MAST4: variants seen among roughly 807,000 people sequenced by gnomAD.
MAST4 encodes the protein microtubule-associated serine/threonine-protein kinase 4.
In MAST4, 89 loss-of-function variants were observed where a neutral mutation model predicts 162.7. The ratio of observed to expected loss-of-function variants is 0.55; its 90% CI spans 0.46 to 0.65. The LOEUF (loss-of-function observed/expected upper bound fraction) is 0.65, where lower values mean the gene tolerates loss of function less well. Among genes scored for constraint, MAST4 ranks in the 30% least tolerant of loss-of-function variants. The pLI is 0.00. For synonymous variants in MAST4, 1,479 were observed against 1,361.1 expected (o/e 1.09, Z -1.91); for missense variants, 3,153 against 3,374.0 (o/e 0.93, Z 1.62).
intron 4 of MAST4, among the ~76,000 whole-genome samples, chr5:66,927,622 CAG>C (rs1225625011): frequency 3.3e-5 from 5 of 152,120 alleles, no homozygotes; most frequent in Non-Finnish European, 7.3e-5. Flanking sequence ...TTGGTGGAGA[CAG>C]AGAGTAGGCA....
intron 1 of MAST4, among the ~76,000 whole-genome samples, chr5:66,684,128 G>T (rs150642714): frequency 1.3e-5 from 2 of 152,312 alleles, no homozygotes; most frequent in Non-Finnish European, 2.9e-5. Context: ...AAGGTTAGTG[G>T]GTTGTGTTCC....
intron 4 of MAST4, among the ~76,000 whole-genome samples, chr5:67,031,868 G>A (rs958248314): frequency 3.9e-5 from 6 of 151,990 alleles, no homozygotes; most frequent in Admixed American, 6.6e-5. Flanking sequence ...ACCTTCTTTC[G>A]TGAGAGAACT....
intron 1 of MAST4, among the ~76,000 whole-genome samples, chr5:66,698,287 C>A (rs1749541124): frequency 6.6e-6 from 1 of 151,922 alleles, no homozygotes; most frequent in South Asian, 2.1e-4. Context: ...CTCAGCTCTG[C>A]TGTCCCATCT....
chr5:66,701,797 A>G (rs1749793230), intron 1 of MAST4, among the ~76,000 whole-genome samples: 1 of 151,440 alleles, frequency 6.6e-6, no homozygotes, highest in Non-Finnish European at 1.5e-5. Flanking sequence ...TGATGATCAT[A>G]TCAACCTTAT....
intron 1 of MAST4, among the ~76,000 whole-genome samples, chr5:66,646,259 T>G (rs916845604): frequency 3.9e-5 from 6 of 152,200 alleles, no homozygotes; most frequent in African/African-American, 1.2e-4. Flanking sequence ...AAAAAATGTT[T>G]TATGGTAAAT....
At chr5:66,855,367 C>A (rs1009981117) in intron 3 of MAST4, among the ~76,000 whole-genome samples, 2 of 152,186 alleles carry the variant, frequency 1.3e-5, no homozygotes, top group Non-Finnish European at 2.9e-5. Context: ...ATGCCAGCAC[C>A]AACCTCTTTT....
intron 1 of MAST4, among the ~76,000 whole-genome samples, chr5:66,600,877 T>C (rs1742508164): frequency 6.6e-6 from 1 of 152,226 alleles, no homozygotes; most frequent in Non-Finnish European, 1.5e-5. Context: ...AGAAAAGGGC[T>C]TAGTAAGTAA....
At chr5:66,899,218 T>G (rs781448995) in intron 3 of MAST4, among the ~76,000 whole-genome samples, 1 of 152,196 alleles carries the variant, frequency 6.6e-6, no homozygotes, top group Non-Finnish European at 1.5e-5. Flanking sequence ...GTTTATTTCT[T>G]TGGTTGGCTT....
At chr5:66,618,037 G>GC (rs1355403553) in intron 1 of MAST4, among the ~76,000 whole-genome samples, 11 of 151,980 alleles carry the variant, frequency 7.2e-5, no homozygotes, top group Admixed American at 1.3e-4. Context: ...GAGGAATGGG[G>GC]GGGGGGCCCT....
chr5:66,697,934 C>A (rs1300551865), intron 1 of MAST4, among the ~76,000 whole-genome samples: 1 of 152,106 alleles, frequency 6.6e-6, no homozygotes, highest in African/African-American at 2.4e-5. Context: ...TAAGCTAAGT[C>A]AACACCCATA....
At chr5:66,648,079 TGTGTGA>T (rs1401462861) in intron 1 of MAST4, among the ~76,000 whole-genome samples, 34 of 103,714 alleles carry the variant, frequency 3.3e-4, no homozygotes, top group Middle Eastern at 4.9e-3. Flanking sequence ...TGTGTGTGTG[TGTGTGA>T]GAGAGAGAGA....
intron 3 of MAST4, among the ~76,000 whole-genome samples, chr5:66,811,823 T>A (rs78379752): frequency 0.051 from 7,297 of 141,822 alleles, 264 homozygotes; most frequent in South Asian, 0.14. Flanking sequence ...TTTTGGATGC[T>A]TTCCTCAGAA....
intron 1 of MAST4, among the ~76,000 whole-genome samples, chr5:66,676,553 A>G (rs901340386): frequency 3.3e-5 from 5 of 152,210 alleles, no homozygotes; most frequent in African/African-American, 1.2e-4. Context: ...ATACGAATTC[A>G]TCATAAAGCT....
intron 10 of MAST4, among the ~76,000 whole-genome samples, chr5:67,107,097 G>A (rs867500096): frequency 2.6e-5 from 4 of 152,210 alleles, no homozygotes; most frequent in Admixed American, 1.3e-4. Context: ...CAGGAATTCT[G>A]TAGTCAGCCT....
chr5:66,973,717 G>C (rs1289849042), intron 4 of MAST4, among the ~76,000 whole-genome samples: 2 of 152,120 alleles, frequency 1.3e-5, no homozygotes, highest in African/African-American at 4.8e-5. Flanking sequence ...ATTGCTGTTT[G>C]TCACAGTTGT....
rs191983350 is a variant in MAST4 at position 66,692,190 on chromosome 5, C to T, written c.364-67519C>T. Reference sequence around the variant, plus strand: ...TGTCTCTCGCTCGCTTGCTCTCTCTCGACCTCTTAGGTGTTCAATCGCATG... The same window carrying T: ...TGTCTCTCGCTCGCTTGCTCTCTCTTGACCTCTTAGGTGTTCAATCGCATG... On this transcript the variant is annotated intron_variant, in intron 1 of 28. Coordinates refer to ENST00000403625, the MANE Select transcript of MAST4 (RefSeq NM_001164664.2). 1.3e-3 allele frequency among the ~76,000 whole-genome samples: 194 copies of T among 152,246 alleles called. 2 individuals are homozygous for T. The highest frequency in any genetic ancestry group is 4.6e-3 in the African/African-American group (190 of 41,554).
intron 1 of MAST4, among the ~76,000 whole-genome samples, chr5:66,737,401 A>G (rs1306210370): frequency 6.6e-6 from 1 of 152,228 alleles, no homozygotes; most frequent in Non-Finnish European, 1.5e-5. Flanking sequence ...AGCCTCAGAA[A>G]TCACACACCA....
chr5:66,967,792 A>T (rs1337090693), intron 4 of MAST4, among the ~76,000 whole-genome samples: 1 of 151,968 alleles, frequency 6.6e-6, no homozygotes, highest in African/African-American at 2.4e-5. Flanking sequence ...GGCCCTAAAT[A>T]TCAGTTTATT....
At chr5:66,921,010 G>A (rs1355891091) in intron 4 of MAST4, among the ~76,000 whole-genome samples, 4 of 152,144 alleles carry the variant, frequency 2.6e-5, no homozygotes, top group African/African-American at 9.7e-5. Flanking sequence ...AGCGGCTGCA[G>A]TGGACCAAGA....
Sources: gnomAD v4.1 joint callset for allele counts (sites outside exome capture counted in the v4.1 genomes callset) on GRCh38, gnomAD v4.1.1 for gene constraint, MANE v1.5 for transcripts, NCBI Gene and HGNC (gene_info 2026-07-23, HGNC 2026-07-21) for gene names.